Variants in PDE4DIP observed in about 807,000 individuals in gnomAD.
The protein encoded by PDE4DIP is myomegalin.
In PDE4DIP, 59 loss-of-function variants were observed where a neutral mutation model predicts 221.4. The observed-to-expected ratio is 0.27, with a 90% confidence interval of 0.22 to 0.33. The LOEUF (loss-of-function observed/expected upper bound fraction) is 0.33. PDE4DIP is among the 10% of genes least tolerant of loss of function. PDE4DIP has a pLI of 1.00. For synonymous variants in PDE4DIP, 404 were observed against 815.9 expected (o/e 0.50, Z 8.60); for missense variants, 1,036 against 2,154.2 (o/e 0.48, Z 10.28).
At position 148,892,242 on chromosome 1, in the gene PDE4DIP, G is replaced by A. The variant is rs1459168577; in HGVS notation, c.141+2348G>A. 9.1e-5 allele frequency among the ~76,000 whole-genome samples: 11 copies of A among 120,804 alleles called. 4 individuals are homozygous for A. In the South Asian group the frequency reaches 1.8e-3, roughly 20 times the overall value. 79.3% of individuals were successfully genotyped at this position (120,804 alleles called of 152,430 possible). The stretch of plus-strand genomic sequence containing the variant: ...ACTCCTGACCTCAGGCGATCCACCC[G>A]CCTCAGCCTCCCAAAGTACTGGGAT... On this transcript the variant is annotated intron_variant, in intron 1 of 43. Transcript: ENST00000369354.
At position 149,020,284 on chromosome 1, in the gene PDE4DIP, G is replaced by A. The variant is rs150109646; in HGVS notation, c.5908G>A (p.Glu1970Lys). ...GGAAGACTTGAGGGAGAAGCAGCAAGAGGTCTTGCATTTCAGGGAGGAACG... is the reference window on the plus strand; with the variant it reads ...GGAAGACTTGAGGGAGAAGCAGCAAAAGGTCTTGCATTTCAGGGAGGAACG... Residue 1970 changes from glutamate (E) to lysine (K), a missense_variant, in exon 36 of 44, where the codon GAG becomes AAG. Glu to Lys is a moderately conservative substitution (Grantham distance 56). Coordinates refer to ENST00000369354, the Ensembl canonical transcript of PDE4DIP. 3.0e-3 allele frequency: 1,614 copies of A among 539,140 alleles called. 32 individuals carry two copies. In the African/African-American group the frequency reaches 0.034, roughly 11 times the overall value. 33.4% of individuals were successfully genotyped at this position (539,140 alleles called of 1,614,324 possible). A position where few individuals can be genotyped will look rare whatever the true frequency, so the allele number is the denominator to read the frequency against.
At chr1:148,934,299 G>C (rs538325) in intron 4 of PDE4DIP, among the ~76,000 whole-genome samples, 2 of 151,896 alleles carry the variant, frequency 1.3e-5, no homozygotes, top group East Asian at 1.9e-4. Flanking sequence ...CCAAGACAGT[G>C]TCATATTTGA....
intron 5 of PDE4DIP, among the ~76,000 whole-genome samples, chr1:148,940,925 T>C (rs1374555113): frequency 4.4e-4 from 67 of 151,814 alleles, no homozygotes; most frequent in Non-Finnish European, 8.8e-4. Flanking sequence ...AGTTTTATCA[T>C]CACCCAATGG....
intron 37 of PDE4DIP, among the ~76,000 whole-genome samples, chr1:149,023,038 A>C (rs2073602388): frequency 6.6e-6 from 1 of 152,302 alleles, no homozygotes; most frequent in African/African-American, 2.4e-5. Context: ...GGCAAAATTC[A>C]AGAGTAGATT....
intron 38 of PDE4DIP, among the ~76,000 whole-genome samples, chr1:149,025,343 G>A (rs1553626223): frequency 6.6e-6 from 1 of 151,706 alleles, no homozygotes; most frequent in African/African-American, 2.4e-5. Context: ...CCTCACAGGT[G>A]GGGAACTCAG....
rs1201980355 is a variant in PDE4DIP, at chr1:148,956,102, CT to C, written c.637-4551del. Among the ~76,000 whole-genome samples the C allele has an allele frequency of 6.6e-5, 10 of 152,096 alleles. No homozygotes were observed. The East Asian group carries it at 1.7e-3, about 26-fold the overall frequency. The stretch of plus-strand genomic sequence containing the variant: ...GGGACAATGGCAGACTGGTTTTTGT[CT>C]ATTTCTCTGAACAAATATGGAAAGA... On this transcript the variant is annotated intron_variant, in intron 5 of 43. Coordinates refer to ENST00000369354, the Ensembl canonical transcript of PDE4DIP.
intron 43 of PDE4DIP, chr1:149,030,647 A>C (rs1459114157): frequency 1.1e-5 from 9 of 810,050 alleles, no homozygotes; most frequent in Non-Finnish European, 1.3e-5. Flanking sequence ...AGGGATCTTG[A>C]GGCCAGTTAT....
intron 5 of PDE4DIP, chr1:148,952,374 G>C (rs2053622676): frequency 9.3e-7 from 1 of 1,069,888 alleles, no homozygotes; most frequent in Admixed American, 5.4e-5. Flanking sequence ...CTTGAAATCT[G>C]ATCCTCCATC....
intron 2 of PDE4DIP, among the ~76,000 whole-genome samples, chr1:148,864,960 G>A (rs1482747485): frequency 7.3e-6 from 1 of 136,108 alleles, no homozygotes; most frequent in Non-Finnish European, 1.6e-5. Context: ...TCAAGGCATT[G>A]CTCTTTCTAT....
At chr1:148,951,692 A>G (rs1553488683) in intron 5 of PDE4DIP, among the ~76,000 whole-genome samples, 1 of 152,278 alleles carries the variant, frequency 6.6e-6, no homozygotes, top group Non-Finnish European at 1.5e-5. Context: ...TACTATCTTC[A>G]AGATCTTGGT....
intron 23 of PDE4DIP, among the ~76,000 whole-genome samples, chr1:148,998,993 G>A (rs1616903): frequency 8.4e-5 from 10 of 119,046 alleles, no homozygotes; most frequent in Middle Eastern, 3.8e-3. Context: ...TGATCCCCCC[G>A]CCTCAGCCTC....
At chr1:148,864,708 C>A (rs1444322873) in intron 2 of PDE4DIP, among the ~76,000 whole-genome samples, 1 of 100,122 alleles carries the variant, frequency 1.0e-5, no homozygotes, top group Non-Finnish European at 2.0e-5. Flanking sequence ...TTTTAAATGT[C>A]AATATTCTAC....
At chr1:148,973,608 A>G (rs1475562596) in intron 16 of PDE4DIP, among the ~76,000 whole-genome samples, 6 of 151,366 alleles carry the variant, frequency 4.0e-5, no homozygotes, top group Admixed American at 6.6e-5. Context: ...TACTTATAGC[A>G]TCAATATATT....
At position 149,019,947 on chromosome 1, in the gene PDE4DIP, G is replaced by T. The variant is rs587669958; in HGVS notation, c.5771-200G>T. Among the ~76,000 whole-genome samples, 3 of 152,218 alleles carry T rather than the reference G, an allele frequency of 2.0e-5. No homozygotes were observed. The East Asian group carries it at 5.8e-4, about 29-fold the overall frequency. The stretch of plus-strand genomic sequence containing the variant: ...CAAGGTAGGACAGATTAAATAAGTG[G>T]CATGAAGGGTTTTGCAAAGAGAGAG... On this transcript the variant is annotated intron_variant, in intron 35 of 43. Coordinates refer to ENST00000369354, the Ensembl canonical transcript of PDE4DIP.
chr1:148,923,639 A>G (rs1297046425), intron 1 of PDE4DIP, among the ~76,000 whole-genome samples: 1 of 144,360 alleles, frequency 6.9e-6, no homozygotes, highest in Non-Finnish European at 1.5e-5. Context: ...GCTCCCGGCT[A>G]ATTTTTTGTA....
chr1:149,030,313 G>A (rs1553635779), intron 43 of PDE4DIP, 35 bp downstream of exon 46: 2 of 1,551,432 alleles, frequency 1.3e-6, no homozygotes. Flanking sequence ...GAGGCACCAA[G>A]CCTGTCCCCC....
chr1:149,006,299 T>G (rs2067026890), intron 27 of PDE4DIP: 1 of 152,140 alleles, frequency 6.6e-6, no homozygotes, highest in Non-Finnish European at 1.5e-5. Flanking sequence ...TAATAACCAC[T>G]CTAAAACTTA....
At chr1:149,032,628 C>T (rs2076990525) in exon 44 of PDE4DIP, 1 of 233,900 alleles carries the variant, frequency 4.3e-6, no homozygotes, top group Non-Finnish European at 8.5e-6. Flanking sequence ...TAACCTAGCA[C>T]ATCCTATTTC....
intron 43 of PDE4DIP, chr1:149,030,560 A>G (rs1160349515): frequency 4.6e-6 from 4 of 869,570 alleles, no homozygotes; most frequent in Non-Finnish European, 5.5e-6. Context: ...AAGTTCAGAG[A>G]CTGGAGAAAT....
Sources: gnomAD v4.1 joint callset for allele counts (sites outside exome capture counted in the v4.1 genomes callset) on GRCh38, gnomAD v4.1.1 for gene constraint, MANE v1.5 for transcripts, NCBI Gene and HGNC (gene_info 2026-07-23, HGNC 2026-07-21) for gene names.